The following CACNA2D3 variants were observed in gnomAD, a reference collection of about 807,000 sequenced individuals.
CACNA2D3 encodes voltage-dependent calcium channel subunit alpha-2/delta-3.
A neutral mutation model predicts 160.6 loss-of-function variants in CACNA2D3; 60 were observed. That is an observed-to-expected ratio of 0.37 (90% CI 0.30 to 0.46). The LOEUF (loss-of-function observed/expected upper bound fraction) is 0.46. Ranked by LOEUF, CACNA2D3 falls within the 20% of genes least tolerant of loss-of-function variation. CACNA2D3 has a pLI of 1.00. For missense variants in CACNA2D3, 1,205 were observed against 1,365.0 expected (o/e 0.88, Z 1.85); for synonymous variants, 558 against 492.9 (o/e 1.13, Z -1.75).
intron 2 of CACNA2D3, among the ~76,000 whole-genome samples, chr3:54,141,084 T>TGTGC (rs1699920387): frequency 8.9e-6 from 1 of 112,380 alleles, no homozygotes; most frequent in Non-Finnish European, 1.8e-5. Flanking sequence ...TGTGTGTGTG[T>TGTGC]GTGCGCGCGC....
chr3:54,757,283 A>G (rs979449539), intron 12 of CACNA2D3, among the ~76,000 whole-genome samples: 2 of 152,170 alleles, frequency 1.3e-5, no homozygotes, highest in Non-Finnish European at 2.9e-5. Context: ...TGGAAATGCC[A>G]CATGTGTTGT....
At chr3:54,532,113 G>C (rs1382774917) in intron 5 of CACNA2D3, among the ~76,000 whole-genome samples, 2 of 152,162 alleles carry the variant, frequency 1.3e-5, no homozygotes, top group Non-Finnish European at 2.9e-5. Context: ...TCAATGTAGG[G>C]GGTAAAAGTG....
intron 9 of CACNA2D3, among the ~76,000 whole-genome samples, chr3:54,587,833 T>G (rs1283055028): frequency 1.3e-5 from 2 of 152,016 alleles, no homozygotes; most frequent in East Asian, 3.9e-4. Flanking sequence ...AAAAGCACCC[T>G]CTCCCTGCCA....
intron 4 of CACNA2D3, among the ~76,000 whole-genome samples, chr3:54,417,302 A>G (rs1398484850): frequency 1.3e-5 from 2 of 152,202 alleles, no homozygotes; most frequent in Admixed American, 1.3e-4. Context: ...AGACTTTCCC[A>G]TGCTGGTAGG....
At chr3:54,249,871 T>A (rs1225325527) in intron 2 of CACNA2D3, among the ~76,000 whole-genome samples, 2 of 152,200 alleles carry the variant, frequency 1.3e-5, no homozygotes, top group Non-Finnish European at 2.9e-5. Context: ...TTTAGTTACC[T>A]TTTTGTTTGA....
chr3:54,284,569 G>A (rs1436987397), intron 2 of CACNA2D3, among the ~76,000 whole-genome samples: 3 of 152,086 alleles, frequency 2.0e-5, no homozygotes, highest in East Asian at 3.9e-4. Flanking sequence ...GTATTAAAAT[G>A]TCTTAATTTT....
chr3:54,860,275 A>C (rs1419812216), intron 17 of CACNA2D3, among the ~76,000 whole-genome samples: 2 of 152,174 alleles, frequency 1.3e-5, no homozygotes, highest in Non-Finnish European at 2.9e-5. Flanking sequence ...CACAGTGAAG[A>C]GGTGTAGAGA....
At chr3:54,918,321 CT>C (rs60257399) in intron 27 of CACNA2D3, 151,738 of 390,586 alleles carry the variant, frequency 0.39, 44,813 homozygotes, top group East Asian at 0.74. Flanking sequence ...ACAGACACAT[CT>C]TTTTTTTTTC....
At chr3:55,051,323 G>C (rs546065815) in intron 35 of CACNA2D3, among the ~76,000 whole-genome samples, 33 of 152,184 alleles carry the variant, frequency 2.2e-4, no homozygotes, top group African/African-American at 6.3e-4. Flanking sequence ...CCTTCTAACA[G>C]AGGGGACCCT....
At chr3:54,352,920 T>A (rs530130200) in intron 3 of CACNA2D3, among the ~76,000 whole-genome samples, 1 of 152,332 alleles carries the variant, frequency 6.6e-6, no homozygotes, top group Non-Finnish European at 1.5e-5. Flanking sequence ...GCACATGAGA[T>A]GTTTCCATAC....
chr3:54,373,784 C>T (rs1698964653), intron 3 of CACNA2D3, among the ~76,000 whole-genome samples: 1 of 152,178 alleles, frequency 6.6e-6, no homozygotes, highest in Non-Finnish European at 1.5e-5. Context: ...GGGAGCTTCC[C>T]AGGGCAGTTC....
chr3:54,567,311 T>C (rs1289671402), intron 6 of CACNA2D3, among the ~76,000 whole-genome samples: 1 of 152,224 alleles, frequency 6.6e-6, no homozygotes, highest in Non-Finnish European at 1.5e-5. Flanking sequence ...GGAAGGTATG[T>C]GTTTAAACTT....
intron 4 of CACNA2D3, among the ~76,000 whole-genome samples, chr3:54,455,706 TTTTAAGA>T (rs1405868498): frequency 6.6e-6 from 1 of 152,124 alleles, no homozygotes; most frequent in South Asian, 2.1e-4. Context: ...CATAATTTCA[TTTTAAGA>T]TTTAAGTCTT....
At chr3:55,059,909 T>TCTCTC (rs1704464346) in intron 35 of CACNA2D3, among the ~76,000 whole-genome samples, 1 of 152,006 alleles carries the variant, frequency 6.6e-6, no homozygotes, top group Non-Finnish European at 1.5e-5. Context: ...CTCCTTTTCT[T>TCTCTC]CTCTCCTCTG....
At chr3:54,280,072 A>G (rs112209316) in intron 2 of CACNA2D3, among the ~76,000 whole-genome samples, 1,030 of 108,496 alleles carry the variant, frequency 9.5e-3, no homozygotes, top group African/African-American at 0.021. Context: ...TTGTTTGTTT[A>G]TTTATTTATT....
intron 2 of CACNA2D3, among the ~76,000 whole-genome samples, chr3:54,202,142 C>T (rs192258495): frequency 6.6e-6 from 1 of 152,304 alleles, no homozygotes; most frequent in Admixed American, 6.5e-5. Context: ...GCACCCCTAG[C>T]CTGGGAATCC....
At position 54,627,832 on chromosome 3, in the gene CACNA2D3, A is replaced by T. The variant is rs781755042; in HGVS notation, c.1009A>T (p.Met337Leu). ...CAAACTTTTCGCCAAAGGAATTGGAATGTTGGATATAGCTCTGAATGAGGC... is the reference window on the plus strand; with the variant it reads ...CAAACTTTTCGCCAAAGGAATTGGATTGTTGGATATAGCTCTGAATGAGGC... Reference protein sequence around the residue: ...LDKLFAKGIGMLDIALNEAFN... With the variant: ...LDKLFAKGIGLLDIALNEAFN... The change falls in exon 10 of 38, where the codon ATG (methionine) becomes TTG (leucine). Residue 337 changes from methionine to leucine, a missense_variant. Physicochemically the swap from Met to Leu is conservative, Grantham distance 15. Transcript: ENST00000474759. 6.2e-7 allele frequency: 1 copy of T among 1,610,624 alleles called. No homozygotes were observed. The highest frequency in any genetic ancestry group is 1.7e-5 in the Admixed American group (1 of 59,708).
intron 2 of CACNA2D3, among the ~76,000 whole-genome samples, chr3:54,212,301 G>A (rs1407964310): frequency 6.6e-6 from 1 of 152,174 alleles, no homozygotes; most frequent in East Asian, 1.9e-4. Flanking sequence ...GGTTCCATCT[G>A]GAAGGGCAAG....
At chr3:54,708,456 C>T (rs1040891520) in intron 11 of CACNA2D3, among the ~76,000 whole-genome samples, 1 of 152,108 alleles carries the variant, frequency 6.6e-6, no homozygotes. Context: ...AACACTTCTT[C>T]GAAAGGATGG....
Sources: allele counts gnomAD v4.1 joint callset (sites outside exome capture counted in the v4.1 genomes callset), GRCh38; gene constraint gnomAD v4.1.1; transcripts MANE v1.5; gene names NCBI Gene and HGNC (gene_info 2026-07-23, HGNC 2026-07-21).